Variants in KCTD8 observed in about 807,000 individuals in gnomAD.
KCTD8 encodes BTB/POZ domain-containing protein KCTD8.
KCTD8 carries 27 observed loss-of-function variants against 31.5 expected under a neutral mutation model. The observed-to-expected ratio is 0.86, with a 90% CI of 0.63 to 1.18. The LOEUF (loss-of-function observed/expected upper bound fraction) is 1.18. Ranked by LOEUF, KCTD8 falls within the 50% of genes most tolerant of loss-of-function variation. The pLI, the probability that KCTD8 is intolerant of heterozygous loss-of-function variation, is 0.00. For synonymous variants in KCTD8, 290 were observed against 280.0 expected (o/e 1.04, Z -0.36); for missense variants, 658 against 647.7 (o/e 1.02, Z -0.17).
Position 44,373,105 on chromosome 4 carries a change from C to T in KCTD8, c.961+74458G>A, listed in dbSNP as rs552628388. Among the ~76,000 whole-genome samples the T allele has an allele frequency of 1.2e-4, 19 of 152,268 alleles. No individual in the cohort carries two copies. In the East Asian group the frequency reaches 3.5e-3, roughly 28 times the overall value. On this transcript the variant is annotated intron_variant, in intron 1 of 1. Transcript: ENST00000360029. The stretch of plus-strand genomic sequence containing the variant: ...AGAGGCCGGGCGCAGTGGCTCACAC[C>T]TGTATTCCCAGCACTTTGGGAGGCC...
chr4:44,349,830 T>C (rs1719152614), intron 1 of KCTD8, among the ~76,000 whole-genome samples: 1 of 152,158 alleles, frequency 6.6e-6, no homozygotes, highest in African/African-American at 2.4e-5. Flanking sequence ...ATATTTATTA[T>C]TCATTATTTT....
chr4:44,356,194 C>T (rs893285918), intron 1 of KCTD8, among the ~76,000 whole-genome samples: 1 of 152,100 alleles, frequency 6.6e-6, no homozygotes, highest in African/African-American at 2.4e-5. Flanking sequence ...CATCAAATGT[C>T]TTTTTTACTG....
intron 1 of KCTD8, among the ~76,000 whole-genome samples, chr4:44,280,531 C>T (rs1716877961): frequency 6.6e-6 from 1 of 151,972 alleles, no homozygotes. Context: ...ATAAGCTGCT[C>T]CAGAGTGAAG....
intron 1 of KCTD8, among the ~76,000 whole-genome samples, chr4:44,216,042 G>T (rs1384485261): frequency 6.6e-6 from 1 of 152,124 alleles, no homozygotes; most frequent in Non-Finnish European, 1.5e-5. Flanking sequence ...CTGAATGAAA[G>T]AAAGTAGCAT....
intron 1 of KCTD8, among the ~76,000 whole-genome samples, chr4:44,287,621 T>C (rs1717136450): frequency 3.9e-5 from 6 of 152,192 alleles, no homozygotes; most frequent in Admixed American, 3.9e-4. Flanking sequence ...AGTATTTATC[T>C]AATAGTCCTG....
At chr4:44,268,228 G>T (rs1213190808) in intron 1 of KCTD8, among the ~76,000 whole-genome samples, 2 of 152,028 alleles carry the variant, frequency 1.3e-5, no homozygotes, top group Non-Finnish European at 2.9e-5. Context: ...GGGATGCAAG[G>T]CTGGTTCAAT....
intron 1 of KCTD8, among the ~76,000 whole-genome samples, chr4:44,231,668 A>C (rs1164416690): frequency 6.6e-6 from 1 of 152,152 alleles, no homozygotes; most frequent in African/African-American, 2.4e-5. Context: ...AAATAATTTT[A>C]ATGGTTTTCA....
chr4:44,325,291 T>C (rs1718414887), intron 1 of KCTD8, among the ~76,000 whole-genome samples: 1 of 151,880 alleles, frequency 6.6e-6, no homozygotes, highest in African/African-American at 2.4e-5. Context: ...GACTGAAAGT[T>C]GAGGGCGAAG....
At chr4:44,438,699 G>C (rs1261073585) in intron 1 of KCTD8, among the ~76,000 whole-genome samples, 1 of 152,150 alleles carries the variant, frequency 6.6e-6, no homozygotes, top group Non-Finnish European at 1.5e-5. Context: ...CTTTTAGATA[G>C]GAGTTGCTTT....
chr4:44,339,170 G>A (rs750595609), intron 1 of KCTD8, among the ~76,000 whole-genome samples: 4 of 152,110 alleles, frequency 2.6e-5, no homozygotes, highest in Non-Finnish European at 5.9e-5. Context: ...CTTATTTATT[G>A]AAGAAAGAGA....
intron 1 of KCTD8, among the ~76,000 whole-genome samples, chr4:44,402,614 TG>T (rs1226995073): frequency 3.3e-5 from 5 of 152,026 alleles, no homozygotes; most frequent in African/African-American, 7.2e-5. Flanking sequence ...TCCTAGGTCC[TG>T]GGGGGGCCCT....
rs183863553 is a variant in KCTD8 at position 44,289,598 on chromosome 4, G to A, written c.962-114348C>T. On this transcript the variant is annotated intron_variant, in intron 1 of 1. Coordinates refer to ENST00000360029, the MANE Select transcript of KCTD8 (RefSeq NM_198353.3). Reference sequence around the variant, plus strand: ...CTCCTGGGGAAGGGCTGAGTGAAGAGATGGTGAGGCAACCCACTCTTGCTG... The same window carrying A: ...CTCCTGGGGAAGGGCTGAGTGAAGAAATGGTGAGGCAACCCACTCTTGCTG... Among the ~76,000 whole-genome samples the A allele has an allele frequency of 7.9e-5, 12 of 152,258 alleles. No homozygotes were observed. In the East Asian group the frequency reaches 1.9e-3, roughly 25 times the overall value.
chr4:44,445,447 G>C (rs1721915878), intron 1 of KCTD8, among the ~76,000 whole-genome samples: 1 of 152,094 alleles, frequency 6.6e-6, no homozygotes, highest in Admixed American at 6.5e-5. Context: ...TCTGAAAGTA[G>C]TTATTCATAA....
chr4:44,226,186 C>G (rs999392619), intron 1 of KCTD8, among the ~76,000 whole-genome samples: 24 of 152,064 alleles, frequency 1.6e-4, no homozygotes, highest in Non-Finnish European at 3.2e-4. Context: ...TGCTCTCCCT[C>G]CCTTTGGCCC....
chr4:44,401,670 T>G (rs1195206665), intron 1 of KCTD8, among the ~76,000 whole-genome samples: 1 of 152,184 alleles, frequency 6.6e-6, no homozygotes, highest in Non-Finnish European at 1.5e-5. Flanking sequence ...AAATGCTACT[T>G]ATATTATAGT....
chr4:44,419,965 C>T (rs1218234679), intron 1 of KCTD8, among the ~76,000 whole-genome samples: 1 of 151,782 alleles, frequency 6.6e-6, no homozygotes, highest in Non-Finnish European at 1.5e-5. Flanking sequence ...AGAAAGTTAG[C>T]AGTGAAGAGA....
chr4:44,197,858 C>T (rs1441896102), intron 1 of KCTD8, among the ~76,000 whole-genome samples: 2 of 152,150 alleles, frequency 1.3e-5, no homozygotes, highest in African/African-American at 4.8e-5. Flanking sequence ...ATCTGGATGT[C>T]AAGGAAGCTC....
intron 1 of KCTD8, among the ~76,000 whole-genome samples, chr4:44,311,249 C>T (rs1407711805): frequency 1.3e-5 from 2 of 152,066 alleles, no homozygotes; most frequent in African/African-American, 2.4e-5. Context: ...TAGACAATAT[C>T]TGCAATGAGC....
chr4:44,390,653 G>GT (rs1560443220), intron 1 of KCTD8, among the ~76,000 whole-genome samples: 1 of 151,800 alleles, frequency 6.6e-6, no homozygotes, highest in Non-Finnish European at 1.5e-5. Context: ...TTTTAGGATT[G>GT]TTTTTTCTAG....
Sources: allele counts gnomAD v4.1 joint callset (sites outside exome capture counted in the v4.1 genomes callset), GRCh38; gene constraint gnomAD v4.1.1; transcripts MANE v1.5; gene names NCBI Gene and HGNC (gene_info 2026-07-23, HGNC 2026-07-21).